The following SH3GLB1 variants were observed in gnomAD, a reference collection of about 807,000 sequenced individuals.
SH3GLB1 encodes endophilin-B1.
A neutral mutation model predicts 42.0 loss-of-function variants in SH3GLB1; 17 were observed. That is an observed-to-expected ratio of 0.40 (90% CI 0.28 to 0.61). The LOEUF is 0.61. Among genes scored for constraint, SH3GLB1 ranks in the 20% least tolerant of loss-of-function variants. The probability of loss-of-function intolerance (pLI) is 0.36; values close to 1 mark genes in which losing one functional copy is unlikely to be tolerated. For synonymous variants in SH3GLB1, 132 were observed against 146.6 expected (o/e 0.90, Z 0.72); for missense variants, 355 against 426.3 (o/e 0.83, Z 1.47).
chr1:86,719,397 A>G, intron 2 of SH3GLB1, 110 bp from the exon 3 acceptor site: 1 of 745,846 alleles, frequency 1.3e-6, no homozygotes, highest in Non-Finnish European at 2.0e-6. Flanking sequence ...ATGTGCTTGA[A>G]TGAATGCTAA....
At chr1:86,713,231 C>T (rs1186048468) in intron 1 of SH3GLB1, among the ~76,000 whole-genome samples, 1 of 151,950 alleles carries the variant, frequency 6.6e-6, no homozygotes, top group African/African-American at 2.4e-5. Context: ...AGGTGTGCAC[C>T]ACCATACCTG....
intron 1 of SH3GLB1, among the ~76,000 whole-genome samples, chr1:86,707,510 G>T (rs761268144): frequency 4.6e-5 from 7 of 152,138 alleles, no homozygotes; most frequent in Non-Finnish European, 1.0e-4. Context: ...CCAAGGTTTT[G>T]GCTTGAGCCG....
chr1:86,724,892 A>ATATATATATATATATATATAT, intron 5 of SH3GLB1, among the ~76,000 whole-genome samples: 1 of 99,686 alleles, frequency 1.0e-5, no homozygotes, highest in African/African-American at 5.4e-5. Context: ...AAAAAAAAAA[A>ATATATATATATATATATATAT]ATATATATAT....
intron 5 of SH3GLB1, chr1:86,730,050 A>G (rs1174895961): frequency 1.9e-6 from 3 of 1,557,242 alleles, no homozygotes; most frequent in African/African-American, 2.7e-5. Context: ...TCCAACTTTC[A>G]TGCTTTATAT....
At chr1:86,732,871 T>A (rs1369036702) in intron 5 of SH3GLB1, among the ~76,000 whole-genome samples, 1 of 152,180 alleles carries the variant, frequency 6.6e-6, no homozygotes, top group Non-Finnish European at 1.5e-5. Flanking sequence ...TTTTCTGCCA[T>A]TTCTACTAAA....
chr1:86,715,705 G>T lies in SH3GLB1; in HGVS notation c.73-19G>T. Reference sequence around the variant, plus strand: ...TTTATTTGCAGTATATTTAATTTTTGTTTTACAATCAATAACAGTTCACAG... The same window carrying T: ...TTTATTTGCAGTATATTTAATTTTTTTTTTACAATCAATAACAGTTCACAG... On this transcript the variant is annotated intron_variant, in intron 1 of 8. Transcript: ENST00000370558. 1.3e-6 allele frequency: 2 copies of T among 1,568,404 alleles called. No homozygotes were observed. Among genetic ancestry groups the T allele is most frequent in the Non-Finnish European group, 1.7e-6 (2 of 1,168,116 alleles).
intron 2 of SH3GLB1, among the ~76,000 whole-genome samples, 198 bp from the exon 3 acceptor site, chr1:86,719,308 AT>A (rs1239191559): frequency 2.6e-5 from 4 of 152,132 alleles, no homozygotes; most frequent in Non-Finnish European, 4.4e-5. Flanking sequence ...GTGCCAAGAT[AT>A]TTTATCAAAT....
intron 5 of SH3GLB1, chr1:86,730,377 T>C: frequency 1.0e-6 from 1 of 985,400 alleles, no homozygotes. Context: ...TACAGTTCCT[T>C]ACTATAGAAG....
chr1:86,709,928 G>C (rs559933392), intron 1 of SH3GLB1, among the ~76,000 whole-genome samples: 2 of 152,216 alleles, frequency 1.3e-5, no homozygotes, highest in African/African-American at 4.8e-5. Flanking sequence ...ACCCTCCCTG[G>C]AGTTTCAGTT....
At position 86,704,648 on chromosome 1, in the gene SH3GLB1, G is replaced by T. The variant is rs1653702288; in HGVS notation, c.-252G>T. On this transcript the variant is annotated 5_prime_UTR_variant, in exon 1 of 9. Coordinates refer to ENST00000370558, the MANE Select transcript of SH3GLB1 (RefSeq NM_016009.5). Reference sequence around the variant, plus strand: ...CTCCGGCTCGCCCGCGGGGCCCATCGTCGACGTTAGCGGCCGTTCTCCGAG... The same window carrying T: ...CTCCGGCTCGCCCGCGGGGCCCATCTTCGACGTTAGCGGCCGTTCTCCGAG... 1 of 353,830 alleles carries T rather than the reference G, an allele frequency of 2.8e-6. No homozygotes were observed. The highest frequency in any genetic ancestry group is 5.2e-6 in the Non-Finnish European group (1 of 192,642). The allele number at this position is 353,830 out of a possible 1,614,324, so 21.9% of individuals were successfully genotyped here.
intron 8 of SH3GLB1, 147 bp downstream of exon 8, chr1:86,742,583 T>C: frequency 1.9e-6 from 1 of 525,560 alleles, no homozygotes; most frequent in Non-Finnish European, 3.3e-6. Flanking sequence ...TTAATTAATA[T>C]TCTTTAATAG....
chr1:86,709,855 T>C (rs1377556585), intron 1 of SH3GLB1, among the ~76,000 whole-genome samples: 1 of 152,186 alleles, frequency 6.6e-6, no homozygotes, highest in Admixed American at 6.5e-5. Context: ...TTTCAGCAAG[T>C]GTCATGGTGT....
intron 5 of SH3GLB1, among the ~76,000 whole-genome samples, chr1:86,732,694 G>A (rs1655576905): frequency 1.3e-5 from 2 of 152,006 alleles, no homozygotes; most frequent in South Asian, 4.1e-4. Context: ...CTCAAACCTA[G>A]AAGCCTGATC....
chr1:86,708,004 G>A (rs1227085891), intron 1 of SH3GLB1, among the ~76,000 whole-genome samples: 2 of 152,116 alleles, frequency 1.3e-5, no homozygotes, highest in Admixed American at 6.5e-5. Flanking sequence ...CAACAGCAAC[G>A]GAATGTTGAT....
chr1:86,746,414 G>T lies in SH3GLB1; in HGVS notation c.*3179G>T, dbSNP rs1422682872. 5.3e-5 allele frequency: 8 copies of T among 152,168 alleles called. No individual in the cohort carries two copies. The highest frequency in any genetic ancestry group is 1.9e-4 in the African/African-American group (8 of 41,436). The allele number at this position is 152,168 out of a possible 1,614,324, so 9.4% of individuals were successfully genotyped here. ...ATTTAGCACTTTAAGCTTCAGTGAG[G>T]TGCTGTAATGGAGAGATAGCTTCAT... On this transcript the variant is annotated 3_prime_UTR_variant, in exon 9 of 9. Transcript: ENST00000370558.
At position 86,734,679 on chromosome 1, in the gene SH3GLB1, C is replaced by T. The variant is rs1018028543; in HGVS notation, c.648C>T (p.Ile216=). The T allele has an allele frequency of 3.1e-6, 5 of 1,610,716 alleles. No homozygotes were observed. The highest frequency in any genetic ancestry group is 3.4e-6 in the Non-Finnish European group (4 of 1,177,208). ...AEITRLLLEG[I]SSTHAHHLRC... is the part of the protein sequence containing the mutation. ...TTACCAGACTTCTGCTAGAGGGAATCAGCAGTACACATGTGAGTATTCATT... is the reference window on the plus strand; with the variant it reads ...TTACCAGACTTCTGCTAGAGGGAATTAGCAGTACACATGTGAGTATTCATT... Residue 216 remains isoleucine, a synonymous_variant, in exon 6 of 9, where the codon ATC becomes ATT. Transcript: ENST00000370558.
chr1:86,721,426 C>T (rs932956733), intron 3 of SH3GLB1, among the ~76,000 whole-genome samples: 3 of 152,122 alleles, frequency 2.0e-5, no homozygotes, highest in Admixed American at 6.6e-5. Context: ...TATCCAGTGA[C>T]GGAGCTCTTA....
chr1:86,713,841 A>G (rs184568570), intron 1 of SH3GLB1, among the ~76,000 whole-genome samples: 2 of 152,332 alleles, frequency 1.3e-5, no homozygotes, highest in Admixed American at 1.3e-4. Flanking sequence ...ATATCTTTAT[A>G]TCCTTATTAT....
intron 4 of SH3GLB1, among the ~76,000 whole-genome samples, chr1:86,723,277 C>G (rs1432324972): frequency 6.6e-6 from 1 of 152,074 alleles, no homozygotes; most frequent in African/African-American, 2.4e-5. Context: ...TTTGGGAGGT[C>G]AAGGTGGGTG....
Sources: allele counts gnomAD v4.1 joint callset (sites outside exome capture counted in the v4.1 genomes callset), GRCh38; gene constraint gnomAD v4.1.1; transcripts MANE v1.5; gene names NCBI Gene and HGNC (gene_info 2026-07-23, HGNC 2026-07-21).